The following ZFAND3 variants were observed in gnomAD, a reference collection of about 807,000 sequenced individuals.
ZFAND3 encodes the protein AN1-type zinc finger protein 3.
Under a neutral mutation model 29.6 loss-of-function variants are expected in ZFAND3, and 10 were observed. That is an observed-to-expected ratio of 0.34 (90% CI 0.21 to 0.57). The LOEUF (loss-of-function observed/expected upper bound fraction) is 0.57, where lower values mean the gene tolerates loss of function less well. Among genes scored for constraint, ZFAND3 ranks in the 20% least tolerant of loss-of-function variants. The pLI is 0.86. For synonymous variants in ZFAND3, 128 were observed against 112.6 expected, an observed-to-expected ratio of 1.14 and a Z score of -0.87; for missense variants, 230 against 304.5, an observed-to-expected ratio of 0.76 and a Z score of 1.82.
chr6:38,113,124 T>C (rs1351464600), intron 4 of ZFAND3, among the ~76,000 whole-genome samples: 1 of 152,196 alleles, frequency 6.6e-6, no homozygotes, highest in Non-Finnish European at 1.5e-5. Flanking sequence ...TTCAAAGGTG[T>C]GGATCTCTTG....
At chr6:37,911,590 G>T (rs1056119401) in intron 1 of ZFAND3, among the ~76,000 whole-genome samples, 4 of 152,158 alleles carry the variant, frequency 2.6e-5, no homozygotes, top group Non-Finnish European at 5.9e-5. Context: ...TCCTGACCAT[G>T]CTTGGCAGTA....
intron 2 of ZFAND3, among the ~76,000 whole-genome samples, chr6:37,946,017 T>C (rs1202484487): frequency 6.6e-6 from 1 of 152,162 alleles, no homozygotes; most frequent in African/African-American, 2.4e-5. Flanking sequence ...GTTTTTGGTG[T>C]CTTAAAGGGT....
chr6:37,977,772 TTTTTG>T (rs1355719695), intron 2 of ZFAND3, among the ~76,000 whole-genome samples: 2 of 143,922 alleles, frequency 1.4e-5, no homozygotes, highest in Non-Finnish European at 3.0e-5. Flanking sequence ...TTTGCTGAGT[TTTTTG>T]TTTTTTTTTT....
In ZFAND3 at chr6:38,064,957, C is replaced by T. The variant is rs373571388; in HGVS notation, c.295+3182C>T. Among the ~76,000 whole-genome samples, 22 of 152,220 alleles carry T rather than the reference C, an allele frequency of 1.4e-4. No individual in the cohort carries two copies. In the East Asian group the frequency reaches 3.5e-3, roughly 24 times the overall value. On this transcript the variant is annotated intron_variant, in intron 3 of 5. Transcript: ENST00000287218. ...CTCAGAGGAGTGAAGTCAAGATTGGCTTCATCCACATGGAGATGATAGTTT... is the reference window on the plus strand; with the variant it reads ...CTCAGAGGAGTGAAGTCAAGATTGGTTTCATCCACATGGAGATGATAGTTT...
intron 1 of ZFAND3, among the ~76,000 whole-genome samples, chr6:37,867,765 A>T (rs1764615016): frequency 6.6e-6 from 1 of 152,228 alleles, no homozygotes; most frequent in Admixed American, 6.5e-5. Flanking sequence ...AAGTTCCCAA[A>T]GTATGCTTTG....
At chr6:37,869,340 G>T (rs542618580) in intron 1 of ZFAND3, among the ~76,000 whole-genome samples, 2 of 151,924 alleles carry the variant, frequency 1.3e-5, no homozygotes, top group Admixed American at 1.3e-4. Flanking sequence ...TGTATTTTTA[G>T]TAGAGATGGG....
intron 5 of ZFAND3, among the ~76,000 whole-genome samples, chr6:38,139,574 T>C (rs1039500615): frequency 6.6e-6 from 1 of 151,982 alleles, no homozygotes; most frequent in African/African-American, 2.4e-5. Context: ...GTCTGGGACA[T>C]AGAATGCAAG....
chr6:37,896,868 C>A (rs984174531), intron 1 of ZFAND3, among the ~76,000 whole-genome samples: 29 of 151,768 alleles, frequency 1.9e-4, no homozygotes, highest in Non-Finnish European at 1.2e-4. Flanking sequence ...AGATTTTCTT[C>A]ATTTCTAATG....
chr6:37,950,929 A>G (rs1305401796), intron 2 of ZFAND3, among the ~76,000 whole-genome samples: 1 of 152,236 alleles, frequency 6.6e-6, no homozygotes, highest in Non-Finnish European at 1.5e-5. Flanking sequence ...TTTGATGGGA[A>G]TAGCATGAAA....
At chr6:38,009,840 A>G (rs141502562) in intron 2 of ZFAND3, among the ~76,000 whole-genome samples, 2 of 152,362 alleles carry the variant, frequency 1.3e-5, no homozygotes, top group African/African-American at 2.4e-5. Context: ...CAAATAGGTT[A>G]GAGTTACATT....
intron 3 of ZFAND3, chr6:38,062,382 A>C (rs1346786697): frequency 6.6e-6 from 1 of 151,192 alleles, no homozygotes; most frequent in East Asian, 1.9e-4. Flanking sequence ...TTCACTGTCT[A>C]CTTAATTTCT....
At chr6:37,882,191 C>A (rs1047234980) in intron 1 of ZFAND3, among the ~76,000 whole-genome samples, 3 of 152,086 alleles carry the variant, frequency 2.0e-5, no homozygotes, top group Non-Finnish European at 4.4e-5. Flanking sequence ...AAAAGTATTA[C>A]TCTTTGTTTG....
chr6:37,940,402 G>A (rs926813540), intron 2 of ZFAND3, among the ~76,000 whole-genome samples: 2 of 152,084 alleles, frequency 1.3e-5, no homozygotes, highest in Non-Finnish European at 2.9e-5. Context: ...GTAAAAAGAT[G>A]GGACATTATT....
At chr6:37,936,124 C>G (rs1313965665) in intron 2 of ZFAND3, among the ~76,000 whole-genome samples, 2 of 152,138 alleles carry the variant, frequency 1.3e-5, no homozygotes, top group Non-Finnish European at 2.9e-5. Context: ...ATCATTAAAG[C>G]AGTGCTTTTC....
chr6:38,066,092 A>G (rs1764341566), intron 3 of ZFAND3, among the ~76,000 whole-genome samples: 1 of 152,230 alleles, frequency 6.6e-6, no homozygotes. Flanking sequence ...TGTCATTTGC[A>G]AAGCTTTTTC....
intron 2 of ZFAND3, among the ~76,000 whole-genome samples, chr6:37,997,001 T>C (rs1762862081): frequency 1.3e-5 from 2 of 152,216 alleles, no homozygotes; most frequent in South Asian, 4.1e-4. Flanking sequence ...GTAGGATACA[T>C]TTCCAGGAGA....
At position 38,041,684 on chromosome 6, in the gene ZFAND3, T is replaced by C. The variant is rs1394395013; in HGVS notation, c.113-19909T>C. Among the ~76,000 whole-genome samples, 15 of 19,344 alleles carry C rather than the reference T, an allele frequency of 7.8e-4. 1 individual carries two copies. Among genetic ancestry groups the C allele is most frequent in the African/African-American group, 1.7e-3 (8 of 4,796 alleles). 12.7% of individuals were successfully genotyped at this position (19,344 alleles called of 152,430 possible). ...TTCTTCTTCTTCTTCTTCTTCTTCT[T>C]CTCCTTCTCCTTCTCCTCCTCCTCC... On this transcript the variant is annotated intron_variant, in intron 2 of 5. Transcript: ENST00000287218.
intron 1 of ZFAND3, among the ~76,000 whole-genome samples, chr6:37,849,377 TTG>T (rs1473018471): frequency 2.6e-5 from 4 of 152,192 alleles, no homozygotes; most frequent in African/African-American, 9.6e-5. Context: ...ATATAATAGT[TTG>T]TGCTTGTGCC....
At chr6:37,913,822 T>G (rs1311365283) in intron 1 of ZFAND3, among the ~76,000 whole-genome samples, 4 of 151,522 alleles carry the variant, frequency 2.6e-5, no homozygotes, top group African/African-American at 4.8e-5. Flanking sequence ...GCGATTCTCC[T>G]GCCTCAGCCT....
Sources: gnomAD v4.1 joint callset for allele counts (sites outside exome capture counted in the v4.1 genomes callset) on GRCh38, gnomAD v4.1.1 for gene constraint, MANE v1.5 for transcripts, NCBI Gene and HGNC (gene_info 2026-07-23, HGNC 2026-07-21) for gene names.